The following SVIL variants were observed in gnomAD, a reference collection of about 807,000 sequenced individuals.
SVIL encodes supervillin.
In SVIL, 101 loss-of-function variants were observed where a neutral mutation model predicts 240.4. The ratio of observed to expected loss-of-function variants is 0.42; its 90% CI spans 0.36 to 0.50. The LOEUF (loss-of-function observed/expected upper bound fraction) is 0.50, where lower values mean the gene tolerates loss of function less well. Among genes scored for constraint, SVIL ranks in the 20% least tolerant of loss-of-function variants. The pLI is 0.01. For missense variants in SVIL, 2,512 were observed against 2,818.7 expected (o/e 0.89, Z 2.46); for synonymous variants, 999 against 1,100.0 (o/e 0.91, Z 1.82).
At chr10:29,589,137 G>GA (rs1039254931) in intron 1 of SVIL, among the ~76,000 whole-genome samples, 6 of 151,818 alleles carry the variant, frequency 4.0e-5, no homozygotes, top group African/African-American at 9.7e-5. Flanking sequence ...ATGCCAAAGG[G>GA]AAAAAAAACA....
At chr10:29,684,143 A>G (rs1276276862) in intron 2 of SVIL, among the ~76,000 whole-genome samples, 1 of 152,208 alleles carries the variant, frequency 6.6e-6, no homozygotes, top group East Asian at 1.9e-4. Flanking sequence ...AGACCTAGGA[A>G]GATTCAGTTT....
intron 1 of SVIL, among the ~76,000 whole-genome samples, chr10:29,569,566 A>T (rs539518648): frequency 9.8e-4 from 150 of 152,300 alleles, no homozygotes; most frequent in Middle Eastern, 3.4e-3. Flanking sequence ...AATAATAACA[A>T]CAATAATAAC....
At position 29,488,754 on chromosome 10, in the gene SVIL, A is replaced by T. The variant is rs374221520; in HGVS notation, c.4195T>A (p.Ser1399Thr). Residue 1399 changes from serine (S) to threonine (T), a missense_variant and splice_region_variant, in exon 23 of 38, where the codon TCT becomes ACT. Ser to Thr is a moderately conservative substitution (Grantham distance 58, BLOSUM62 1). Transcript: ENST00000355867. ...ESKRMKVEKM[S>T]SNSNFSEVTL... ...ACTTCTGAGAAGTTGGAGTTGGAAG[A>T]CACTGGGCACGTTGAATAAGGAAAC... The T allele has an allele frequency of 6.2e-7, 1 of 1,611,504 alleles. No homozygotes were observed. Among genetic ancestry groups the T allele is most frequent in the African/African-American group, 1.3e-5 (1 of 74,848 alleles).
At chr10:29,637,415 C>A (rs1198302693), upstream of SVIL, among the ~76,000 whole-genome samples, 5 of 152,130 alleles carry the variant, frequency 3.3e-5, no homozygotes, top group African/African-American at 9.7e-5. Context: ...TGAACCCAAT[C>A]CTGGGAGGCA....
Position 29,708,053 on chromosome 10 carries a change from G to A in SVIL, c.-399-21402C>T, listed in dbSNP as rs17544640. On this transcript the variant is annotated intron_variant, in intron 1 of 35. Coordinates refer to the SVIL transcript ENST00000375400. ...CAGGTGGATCACGAGGTCAGGAGAT[G>A]GAGACCATCCTGGCTAACACGGTGA... Among the ~76,000 whole-genome samples the A allele has an allele frequency of 3.3e-5, 5 of 150,486 alleles. No homozygotes were observed. The East Asian group carries it at 8.1e-4, about 24-fold the overall frequency.
intron 2 of SVIL, among the ~76,000 whole-genome samples, chr10:29,684,938 G>A (rs368451494): frequency 3.1e-4 from 47 of 152,096 alleles, no homozygotes; most frequent in African/African-American, 1.1e-3. Flanking sequence ...TTTATTTTAG[G>A]TTCAGGGGTA....
At chr10:29,684,190 C>T (rs1960882716) in intron 2 of SVIL, among the ~76,000 whole-genome samples, 1 of 152,168 alleles carries the variant, frequency 6.6e-6, no homozygotes, top group African/African-American at 2.4e-5. Flanking sequence ...TCTGCAGCAA[C>T]ATCCTTGTCA....
At chr10:29,591,940 T>C (rs1336048581) in intron 1 of SVIL, among the ~76,000 whole-genome samples, 1 of 152,256 alleles carries the variant, frequency 6.6e-6, no homozygotes, top group African/African-American at 2.4e-5. Context: ...ACTGCTCTAA[T>C]GCTCATGGGA....
intron 1 of SVIL, among the ~76,000 whole-genome samples, chr10:29,595,001 T>TGGTCCTGGAATGGA (rs979590598): frequency 4.6e-5 from 7 of 152,358 alleles, no homozygotes; most frequent in African/African-American, 1.2e-4. Context: ...GAAGAGATGC[T>TGGTCCTGGAATGGA]GGTCCTGGAA....
At chr10:29,674,663 G>C (rs115501638) in intron 2 of SVIL, among the ~76,000 whole-genome samples, 1 of 152,270 alleles carries the variant, frequency 6.6e-6, no homozygotes, top group East Asian at 1.9e-4. Flanking sequence ...GACTATGTAC[G>C]TGGTGACTTA....
chr10:29,713,472 A>G (rs1221476654), intron 1 of SVIL, among the ~76,000 whole-genome samples: 1 of 152,032 alleles, frequency 6.6e-6, no homozygotes, highest in African/African-American at 2.4e-5. Context: ...CCACGATCTG[A>G]TTTTTTCAGC....
intron 32 of SVIL, among the ~76,000 whole-genome samples, chr10:29,469,527 G>A (rs1267904358): frequency 6.6e-6 from 1 of 152,220 alleles, no homozygotes; most frequent in Non-Finnish European, 1.5e-5. Context: ...TTCTCTGGCA[G>A]CTTGCAATGC....
At chr10:29,607,290 C>T (rs1473425767) in intron 1 of SVIL, among the ~76,000 whole-genome samples, 2 of 152,192 alleles carry the variant, frequency 1.3e-5, no homozygotes, top group African/African-American at 4.8e-5. Context: ...GCCAGTACCA[C>T]ATTATTTTAA....
intron 17 of SVIL, among the ~76,000 whole-genome samples, chr10:29,505,188 T>G (rs1293915900): frequency 6.6e-6 from 1 of 151,996 alleles, no homozygotes; most frequent in South Asian, 2.1e-4. Context: ...ACCTGGGGTG[T>G]GGTGGCGGGC....
At chr10:29,578,754 A>G (rs1159984759) in intron 1 of SVIL, among the ~76,000 whole-genome samples, 1 of 152,194 alleles carries the variant, frequency 6.6e-6, no homozygotes, top group African/African-American at 2.4e-5. Context: ...GTAAACTATC[A>G]ATACTGCTTG....
At chr10:29,608,330 A>G (rs1472803442) in intron 1 of SVIL, among the ~76,000 whole-genome samples, 5 of 152,236 alleles carry the variant, frequency 3.3e-5, no homozygotes, top group Non-Finnish European at 5.9e-5. Flanking sequence ...GCAGTGGCCC[A>G]TCTGGGGTGG....
intron 2 of SVIL, among the ~76,000 whole-genome samples, chr10:29,565,049 C>T (rs1954853949): frequency 6.6e-6 from 1 of 152,150 alleles, no homozygotes; most frequent in African/African-American, 2.4e-5. Context: ...CTTTAGGAAA[C>T]TAAAATCTTT....
chr10:29,726,625 T>C (rs554460250), intron 1 of SVIL, among the ~76,000 whole-genome samples: 2 of 152,138 alleles, frequency 1.3e-5, no homozygotes, highest in South Asian at 4.2e-4. Context: ...CAGGTGCCTG[T>C]AATCCCAGCT....
At chr10:29,506,603 A>G (rs370272497) in intron 17 of SVIL, among the ~76,000 whole-genome samples, 2,191 of 149,688 alleles carry the variant, frequency 0.015, 36 homozygotes, top group African/African-American at 0.043. Context: ...TGCTGGGGAG[A>G]CAAGGCCCTA....
Sources: gnomAD v4.1 joint callset for allele counts (sites outside exome capture counted in the v4.1 genomes callset) on GRCh38, gnomAD v4.1.1 for gene constraint, MANE v1.5 for transcripts, NCBI Gene and HGNC (gene_info 2026-07-23, HGNC 2026-07-21) for gene names.